Variants in BRWD1 observed in about 807,000 individuals in gnomAD.
BRWD1 encodes the protein bromodomain and WD repeat-containing protein 1.
In BRWD1, 82 loss-of-function variants were observed where a neutral mutation model predicts 251.2. The ratio of observed to expected loss-of-function variants is 0.33; its 90% confidence interval spans 0.27 to 0.39. The LOEUF (loss-of-function observed/expected upper bound fraction) is 0.39, where lower values mean the gene tolerates loss of function less well. Among genes scored for constraint, BRWD1 ranks in the 10% least tolerant of loss-of-function variants. The probability of loss-of-function intolerance (pLI) is 1.00; values close to 1 mark genes in which losing one functional copy is unlikely to be tolerated. For synonymous variants in BRWD1, 918 were observed against 902.8 expected, an observed-to-expected ratio of 1.02 and a Z score of -0.30; for missense variants, 2,233 against 2,711.6, an observed-to-expected ratio of 0.82 and a Z score of 3.92.
intron 13 of BRWD1, among the ~76,000 whole-genome samples, chr21:39,273,030 T>C (rs767447853): frequency 5.3e-5 from 8 of 152,228 alleles, no homozygotes; most frequent in Non-Finnish European, 1.2e-4. Flanking sequence ...AGACTCTGTT[T>C]TTCAAGATTT....
At chr21:39,264,343 A>G in intron 17 of BRWD1, 117 bp downstream of exon 17, 1 of 701,300 alleles carries the variant, frequency 1.4e-6, no homozygotes, top group Non-Finnish European at 2.2e-6. Flanking sequence ...AAATAATAAA[A>G]CAAATATTGC....
intron 19 of BRWD1, among the ~76,000 whole-genome samples, chr21:39,254,545 C>T (rs2034501112): frequency 6.6e-6 from 1 of 152,116 alleles, no homozygotes; most frequent in Non-Finnish European, 1.5e-5. Context: ...ACAAATTGGT[C>T]GCTGTTGAAT....
At chr21:39,273,920 C>T (rs1384210869) in intron 13 of BRWD1, among the ~76,000 whole-genome samples, 1 of 152,140 alleles carries the variant, frequency 6.6e-6, no homozygotes, top group African/African-American at 2.4e-5. Context: ...GTCACCCAGG[C>T]TGGAGCTCAA....
chr21:39,298,077 T>C (rs1036486859), intron 5 of BRWD1: 5 of 993,244 alleles, frequency 5.0e-6, no homozygotes, highest in Admixed American at 6.1e-5. Flanking sequence ...GAAATACCTC[T>C]AGCATTTAAA....
intron 20 of BRWD1, 73 bp from the exon 21 acceptor site, chr21:39,247,905 G>C (rs1051598883): frequency 7.1e-7 from 1 of 1,411,464 alleles, no homozygotes; most frequent in African/African-American, 1.5e-5. Context: ...TGGGCATTCC[G>C]TCAAGTTTCC....
chr21:39,228,673 C>A, intron 26 of BRWD1, 91 bp from the exon 27 acceptor site: 1 of 624,346 alleles, frequency 1.6e-6, no homozygotes, highest in South Asian at 2.5e-5. Context: ...ATGAGATCTA[C>A]GAATGTAATT....
Position 39,192,072 on chromosome 21 carries a change from C to A in BRWD1, c.*4187G>T, listed in dbSNP as rs2031581642. ...AGAAAAGCAATTCTTGAGCAGACAC[C>A]AATTTAAAGATATTTTTCTACCAAT... On this transcript the variant is annotated 3_prime_UTR_variant, in exon 41 of 41. Coordinates refer to ENST00000342449, the MANE Select transcript of BRWD1 (RefSeq NM_033656.4). The A allele has an allele frequency of 8.1e-6, 8 of 985,018 alleles. No homozygotes were observed. The South Asian group carries it at 3.8e-4, about 46-fold the overall frequency. The allele number at this position is 985,018 out of a possible 1,614,324, so 61.0% of individuals were successfully genotyped here.
intron 8 of BRWD1, among the ~76,000 whole-genome samples, chr21:39,281,695 T>C (rs1324609669): frequency 1.3e-5 from 2 of 152,066 alleles, no homozygotes; most frequent in Non-Finnish European, 1.5e-5. Context: ...CCGGGCATGA[T>C]GTTGGATGCC....
At position 39,313,269 on chromosome 21, in the gene BRWD1, G is replaced by C. The variant is rs1329492664; in HGVS notation, c.80C>G (p.Ser27Trp). The change falls in exon 2 of 41, where the codon TCG becomes TGG. Residue 27 changes from serine to tryptophan, a missense_variant. By Grantham distance (177) the Ser-to-Trp change is radical. Coordinates refer to ENST00000342449, the MANE Select transcript of BRWD1 (RefSeq NM_033656.4). ...ELYFLIARYL[S>W]AGPCRRAAQV... ...GGCCGCTCTCCGACACGGGCCCGCC[G>C]ATAGGTACCGGGCGATAAGGAAGTA... The C allele has an allele frequency of 6.4e-7, 1 of 1,562,654 alleles. No homozygotes were observed. The highest frequency in any genetic ancestry group is 1.2e-5 in the South Asian group (1 of 86,956).
intron 19 of BRWD1, among the ~76,000 whole-genome samples, chr21:39,251,345 TTA>T (rs2034386508): frequency 6.6e-6 from 1 of 152,264 alleles, no homozygotes; most frequent in East Asian, 1.9e-4. Context: ...AACAAAAAGA[TTA>T]TGTTATTGTG....
chr21:39,199,830 A>G (rs897872995), intron 39 of BRWD1, among the ~76,000 whole-genome samples, 168 bp from the exon 40 acceptor site: 16 of 152,170 alleles, frequency 1.1e-4, no homozygotes, highest in Admixed American at 8.5e-4. Context: ...GGCTCACTGC[A>G]ACCTCTGCCT....
At chr21:39,305,714 T>C (rs915576791) in intron 4 of BRWD1, among the ~76,000 whole-genome samples, 1 of 152,014 alleles carries the variant, frequency 6.6e-6, no homozygotes, top group African/African-American at 2.4e-5. Context: ...AATTCAAGAA[T>C]TAGCTGGGCA....
Position 39,258,480 on chromosome 21 carries a change from T to G in BRWD1, c.2071+7A>C, listed in dbSNP as rs1274671831. 1 of 1,573,824 alleles carries G rather than the reference T, an allele frequency of 6.4e-7. No individual in the cohort carries two copies. The highest frequency in any genetic ancestry group is 1.9e-5 in the Admixed American group (1 of 53,804). Reference sequence around the variant, plus strand: ...ATTCAGGTAAAACATTTATCACTATTTATTACCTCTCCGGGGTGTTTCTTC... The same window carrying G: ...ATTCAGGTAAAACATTTATCACTATGTATTACCTCTCCGGGGTGTTTCTTC... On this transcript the variant is annotated splice_region_variant and intron_variant, in intron 18 of 40. Coordinates refer to ENST00000342449, the MANE Select transcript of BRWD1 (RefSeq NM_033656.4).
Position 39,264,558 on chromosome 21 carries a change from T to A in BRWD1, c.1787A>T (p.Asp596Val), listed in dbSNP as rs2034860717. Residue 596 changes from aspartate to valine, a missense_variant, in exon 17 of 41, where the codon GAT becomes GTT. Asp to Val is a radical substitution (Grantham distance 152). Coordinates refer to ENST00000342449, the MANE Select transcript of BRWD1 (RefSeq NM_033656.4). ...ATACTTGGTTGGATGAGGATTTCCA[T>A]CTACATCTACCAAGAATGGTGGAGG... ...LMPPPFLVDVDGNPHPTKYQR... is the reference protein window; with the variant it reads ...LMPPPFLVDVVGNPHPTKYQR... 2.5e-6 allele frequency: 4 copies of A among 1,613,422 alleles called. No individual in the cohort carries two copies. Among genetic ancestry groups the A allele is most frequent in the Non-Finnish European group, 3.4e-6 (4 of 1,179,694 alleles).
At chr21:39,293,747 A>G in intron 8 of BRWD1, 64 bp downstream of exon 8, 1 of 1,292,602 alleles carries the variant, frequency 7.7e-7, no homozygotes. Flanking sequence ...AATTCCAAAG[A>G]AACTGTTTTA....
rs1261041596 is a variant in BRWD1, at chr21:39,189,327, T to C, written c.*6932A>G. On this transcript the variant is annotated 3_prime_UTR_variant, in exon 41 of 41. Transcript: ENST00000342449. ...GATAAAATTCTATTTCAACTACAAT[T>C]TGTAACAAAATGCTTTAAGTTGCAG... The C allele has an allele frequency of 1.0e-6, 1 of 985,136 alleles. No individual in the cohort carries two copies. Among genetic ancestry groups the C allele is most frequent in the African/African-American group, 1.7e-5 (1 of 57,200 alleles). 61.0% of individuals were successfully genotyped at this position (985,136 alleles called of 1,614,324 possible).
At chr21:39,248,616 T>G in intron 20 of BRWD1, among the ~76,000 whole-genome samples, 1 of 113,744 alleles carries the variant, frequency 8.8e-6, no homozygotes. Context: ...CACTCCAGCC[T>G]GGGCAAGAGT....
chr21:39,245,608 T>C (rs1019305551), intron 21 of BRWD1, among the ~76,000 whole-genome samples: 5 of 151,602 alleles, frequency 3.3e-5, no homozygotes, highest in Non-Finnish European at 7.4e-5. Flanking sequence ...TTGGTTTTTT[T>C]TTTTTTTTGA....
Position 39,196,843 on chromosome 21 carries a change from C to T in BRWD1, c.6226G>A (p.Ala2076Thr). 3 of 1,613,610 alleles carry T rather than the reference C, an allele frequency of 1.9e-6. No individual in the cohort carries two copies. Among genetic ancestry groups the T allele is most frequent in the Non-Finnish European group, 2.5e-6 (3 of 1,179,934 alleles). ...DRTFSSESTL[A>T]QKATAENNFE... ...TTATTCTCTGCAGTAGCTTTTTGTGCCAAGGTTGACTCTGAAGAAAATGTC... is the reference window on the plus strand; with the variant it reads ...TTATTCTCTGCAGTAGCTTTTTGTGTCAAGGTTGACTCTGAAGAAAATGTC... The change falls in exon 41 of 41, where the codon GCA (alanine) becomes ACA (threonine). Residue 2076 changes from alanine (A) to threonine (T), a missense_variant. Transcript: ENST00000342449.
Sources: allele counts gnomAD v4.1 joint callset (sites outside exome capture counted in the v4.1 genomes callset), GRCh38; gene constraint gnomAD v4.1.1; transcripts MANE v1.5; gene names NCBI Gene and HGNC (gene_info 2026-07-23, HGNC 2026-07-21).